Variants in MPPED2 observed in about 807,000 individuals in gnomAD.
The protein encoded by MPPED2 is metallophosphoesterase MPPED2.
In MPPED2, 5 loss-of-function variants were observed where a neutral mutation model predicts 33.0. That is an observed-to-expected ratio of 0.15 (90% confidence interval 0.08 to 0.32). The LOEUF is 0.32. Ranked by LOEUF, MPPED2 falls within the 10% of genes least tolerant of loss-of-function variation. The pLI is 1.00. For synonymous variants in MPPED2, 136 were observed against 141.9 expected, an observed-to-expected ratio of 0.96 and a Z score of 0.29; for missense variants, 275 against 372.1, an observed-to-expected ratio of 0.74 and a Z score of 2.15.
At chr11:30,436,237 T>C (rs1313021254) in intron 4 of MPPED2, among the ~76,000 whole-genome samples, 4 of 152,102 alleles carry the variant, frequency 2.6e-5, no homozygotes, top group Non-Finnish European at 1.5e-5. Flanking sequence ...CTGCCACTTA[T>C]TGAGTACTTG....
intron 4 of MPPED2, among the ~76,000 whole-genome samples, chr11:30,486,983 TACC>T (rs577454032): frequency 1.8e-4 from 27 of 152,346 alleles, no homozygotes; most frequent in Non-Finnish European, 2.5e-4. Context: ...GACATATCTC[TACC>T]ACCACCACCC....
At chr11:30,440,002 G>A (rs1036736694) in intron 4 of MPPED2, among the ~76,000 whole-genome samples, 36 of 152,248 alleles carry the variant, frequency 2.4e-4, no homozygotes, top group East Asian at 1.5e-3. Context: ...GCTATGGCCC[G>A]TGGGCCAAAT....
intron 1 of MPPED2, among the ~76,000 whole-genome samples, chr11:30,585,485 G>A (rs1013561526): frequency 9.9e-5 from 15 of 152,200 alleles, no homozygotes; most frequent in Admixed American, 7.2e-4. Flanking sequence ...GCGGGAGCCC[G>A]GGGATCGGGC....
At chr11:30,567,998 T>A (rs1956520943) in intron 2 of MPPED2, among the ~76,000 whole-genome samples, 1 of 152,180 alleles carries the variant, frequency 6.6e-6, no homozygotes, top group Non-Finnish European at 1.5e-5. Flanking sequence ...CGAAAAAACT[T>A]ATAGTGATGA....
intron 2 of MPPED2, among the ~76,000 whole-genome samples, chr11:30,541,627 A>G (rs1311963359): frequency 6.6e-6 from 1 of 152,050 alleles, no homozygotes; most frequent in Non-Finnish European, 1.5e-5. Context: ...CTTTTTTTAG[A>G]CAGTGTCTAA....
At chr11:30,560,868 A>G (rs1005693727) in intron 2 of MPPED2, among the ~76,000 whole-genome samples, 1 of 152,192 alleles carries the variant, frequency 6.6e-6, no homozygotes, top group South Asian at 2.1e-4. Context: ...TGTGGAAGAA[A>G]AAGAAAACAA....
At chr11:30,428,340 T>C (rs1948934369) in intron 4 of MPPED2, among the ~76,000 whole-genome samples, 1 of 152,126 alleles carries the variant, frequency 6.6e-6, no homozygotes, top group African/African-American at 2.4e-5. Context: ...TACCAAGAGG[T>C]GAGCAAAGTA....
intron 4 of MPPED2, among the ~76,000 whole-genome samples, chr11:30,421,447 A>C (rs1948606741): frequency 6.6e-6 from 1 of 151,674 alleles, no homozygotes; most frequent in Non-Finnish European, 1.5e-5. Flanking sequence ...CCATATGTGT[A>C]TGAGAAGAAG....
chr11:30,481,423 T>C (rs771195647), intron 4 of MPPED2, among the ~76,000 whole-genome samples: 3 of 152,104 alleles, frequency 2.0e-5, no homozygotes, highest in African/African-American at 7.2e-5. Flanking sequence ...CTGGTCCCGT[T>C]TAAAGCAAAC....
chr11:30,552,039 T>C (rs1026884738), intron 2 of MPPED2, among the ~76,000 whole-genome samples: 1 of 152,182 alleles, frequency 6.6e-6, no homozygotes, highest in African/African-American at 2.4e-5. Context: ...TACAGGTCTC[T>C]CATAAACAGA....
chr11:30,503,348 T>C (rs1405348095), intron 3 of MPPED2, among the ~76,000 whole-genome samples: 1 of 152,148 alleles, frequency 6.6e-6, no homozygotes, highest in Non-Finnish European at 1.5e-5. Flanking sequence ...CTCAGGTATA[T>C]CTTTAGTAAC....
intron 4 of MPPED2, among the ~76,000 whole-genome samples, chr11:30,419,705 G>A (rs1260098235): frequency 5.9e-5 from 9 of 152,110 alleles, no homozygotes. Flanking sequence ...GGATTTGGCT[G>A]GTGCTATCTA....
chr11:30,456,296 C>A (rs1365244846), intron 4 of MPPED2, among the ~76,000 whole-genome samples: 1 of 152,082 alleles, frequency 6.6e-6, no homozygotes, highest in African/African-American at 2.4e-5. Context: ...GATGTGGGTT[C>A]AAAGAAAAGG....
chr11:30,411,500 T>C lies in MPPED2; in HGVS notation c.853A>G (p.Ile285Val), dbSNP rs747091887. The stretch of plus-strand genomic sequence containing the variant: ...CCCTGTGGGTTTGGAAGGTCAAATA[T>C]AATTGGAGGGTTGGTCGGTTGAAAG... The part of the protein sequence containing the change: ...VSFQPTNPPI[I>V]FDLPNPQGS The change falls in exon 7 of 7, where the codon ATA (isoleucine) becomes GTA (valine). Residue 285 changes from isoleucine to valine, a missense_variant. Physicochemically the swap from Ile to Val is conservative, Grantham distance 29. Transcript: ENST00000358117. 3.1e-6 allele frequency: 5 copies of C among 1,613,940 alleles called. No individual in the cohort carries two copies. In the South Asian group the frequency reaches 5.5e-5, roughly 18 times the overall value.
chr11:30,458,278 A>G (rs149258756), intron 4 of MPPED2, among the ~76,000 whole-genome samples: 1 of 152,330 alleles, frequency 6.6e-6, no homozygotes, highest in East Asian at 1.9e-4. Context: ...GAGATCAGAG[A>G]GTACAACCTT....
intron 3 of MPPED2, among the ~76,000 whole-genome samples, chr11:30,535,757 T>C (rs565215560): frequency 6.6e-6 from 1 of 152,266 alleles, no homozygotes; most frequent in South Asian, 2.1e-4. Flanking sequence ...GTTTCAAAGC[T>C]TTCCATCCCT....
intron 2 of MPPED2, among the ~76,000 whole-genome samples, chr11:30,555,601 T>A (rs1955928123): frequency 6.6e-6 from 1 of 152,166 alleles, no homozygotes; most frequent in Non-Finnish European, 1.5e-5. Context: ...CAAGATCTGA[T>A]GGTTTTATAA....
intron 2 of MPPED2, among the ~76,000 whole-genome samples, chr11:30,570,693 C>A (rs777297661): frequency 6.6e-6 from 1 of 152,144 alleles, no homozygotes; most frequent in Non-Finnish European, 1.5e-5. Flanking sequence ...ACAGGCTGAG[C>A]TTGCTTAGCT....
rs140900430 is a variant in MPPED2 at position 30,504,555 on chromosome 11, G to A, written c.311-9034C>T. Among the ~76,000 whole-genome samples the A allele has an allele frequency of 3.1e-4, 47 of 152,220 alleles. No homozygotes were observed. The East Asian group carries it at 8.3e-3, about 27-fold the overall frequency. The stretch of plus-strand genomic sequence containing the variant: ...CACCTAGAAGAATGCTTAGCACTTA[G>A]TTGGTACCCACTGCATACTCCAGAA... On this transcript the variant is annotated intron_variant, in intron 3 of 6. Transcript: ENST00000358117.
Sources: gnomAD v4.1 joint callset for allele counts (sites outside exome capture counted in the v4.1 genomes callset) on GRCh38, gnomAD v4.1.1 for gene constraint, MANE v1.5 for transcripts, NCBI Gene and HGNC (gene_info 2026-07-23, HGNC 2026-07-21) for gene names.